The following XRCC2 variants were observed in gnomAD, a reference collection of about 807,000 sequenced individuals.
XRCC2 encodes the protein X-ray repair cross complementing 2.
In XRCC2, 24 loss-of-function variants were observed where a neutral mutation model predicts 27.3. That is an observed-to-expected ratio of 0.88 (90% CI 0.64 to 1.24). XRCC2 has a LOEUF of 1.24. XRCC2 is among the 50% of genes most tolerant of loss of function. XRCC2 has a pLI of 0.00. For missense variants in XRCC2, 321 were observed against 325.8 expected (o/e 0.99, Z 0.11); for synonymous variants, 106 against 115.4 (o/e 0.92, Z 0.52).
Position 152,649,373 on chromosome 7 carries a change from A to G in XRCC2, c.122-10T>C, listed in dbSNP as rs774443866. ...AATTCAAGAATATCACCTGTGTAAA[A>G]TTTAAAAATCTCAGTCAAAATGCAG... On this transcript the variant is annotated splice_polypyrimidine_tract_variant and intron_variant, in intron 2 of 2. Transcript: ENST00000359321. 1 of 1,545,850 alleles carries G rather than the reference A, an allele frequency of 6.5e-7. No individual in the cohort carries two copies.
At chr7:152,671,193 C>T (rs3094408) in intron 1 of XRCC2, among the ~76,000 whole-genome samples, 129,531 of 152,038 alleles carry the variant, frequency 0.85, 55,601 homozygotes, top group Non-Finnish European at 0.91. Context: ...CCAGCCTGGG[C>T]GACAGAGTAA....
rs2098025482 is a variant in XRCC2 at position 152,645,700 on chromosome 7, C to A, written c.*2942G>T. On this transcript the variant is annotated 3_prime_UTR_variant, in exon 3 of 3. Transcript: ENST00000359321. The stretch of plus-strand genomic sequence containing the variant: ...GTTCTTGATTTTAAAAGAGACACTT[C>A]TAATATTTCACTATTAACTAATGTT... The A allele has an allele frequency of 6.6e-6, 1 of 152,120 alleles. No homozygotes were observed. The highest frequency in any genetic ancestry group is 2.4e-5 in the African/African-American group (1 of 41,434). The allele number at this position is 152,120 out of a possible 1,614,324, so 9.4% of individuals were successfully genotyped here.
At position 152,656,004 on chromosome 7, in the gene XRCC2, A is replaced by G. The variant is rs575074752; in HGVS notation, c.121+4697T>C. Among the ~76,000 whole-genome samples the G allele has an allele frequency of 3.9e-5, 6 of 152,192 alleles. No individual in the cohort carries two copies. In the South Asian group the frequency reaches 1.2e-3, roughly 32 times the overall value. ...AACAAAACAAAACAAAAATAAAAAT[A>G]AATGTTTGGATGAGAACACATGGAC... On this transcript the variant is annotated intron_variant, in intron 2 of 2. Transcript: ENST00000359321.
At chr7:152,665,973 A>T (rs2098035449) in intron 1 of XRCC2, among the ~76,000 whole-genome samples, 1 of 152,160 alleles carries the variant, frequency 6.6e-6, no homozygotes, top group Non-Finnish European at 1.5e-5. Flanking sequence ...CAACCAACAT[A>T]TGATAACAGA....
At chr7:152,659,873 C>T (rs2098032302) in intron 2 of XRCC2, among the ~76,000 whole-genome samples, 1 of 152,120 alleles carries the variant, frequency 6.6e-6, no homozygotes, top group Non-Finnish European at 1.5e-5. Flanking sequence ...TGCACAACAG[C>T]CAGCAAATGG....
At position 152,648,935 on chromosome 7, in the gene XRCC2, C is replaced by T. The variant is rs2098027293; in HGVS notation, c.550G>A (p.Val184Ile). The change falls in exon 3 of 3, where the codon GTA (valine) becomes ATA (isoleucine). Residue 184 changes from valine to isoleucine, a missense_variant. Val to Ile is a conservative substitution (Grantham distance 29, BLOSUM62 3). Coordinates refer to ENST00000359321, the MANE Select transcript of XRCC2 (RefSeq NM_005431.2). ...RKCSQCLEKL[V>I]NDYRLVLFAT... ...AAAAGAACCAGGCGATAGTCATTTA[C>T]AAGCTTCTCTAAGCACTGAGAACAT... is the stretch of plus-strand genomic sequence containing the variant. 1 of 1,614,170 alleles carries T rather than the reference C, an allele frequency of 6.2e-7. No homozygotes were observed. The highest frequency in any genetic ancestry group is 1.1e-5 in the South Asian group (1 of 91,080).
chr7:152,653,269 G>C (rs566454873), intron 2 of XRCC2, among the ~76,000 whole-genome samples: 2 of 152,120 alleles, frequency 1.3e-5, no homozygotes, highest in Admixed American at 6.6e-5. Context: ...CTTCTGCAAT[G>C]ATTGTGAGGC....
intron 2 of XRCC2, among the ~76,000 whole-genome samples, chr7:152,656,412 A>G (rs2098030727): frequency 6.6e-6 from 1 of 152,142 alleles, no homozygotes; most frequent in Non-Finnish European, 1.5e-5. Context: ...AAAAGTTTAC[A>G]ATGGCATTGA....
rs1205745067 is a variant in XRCC2 at position 152,647,183 on chromosome 7, T to C, written c.*1459A>G. 6.6e-6 allele frequency: 1 copy of C among 152,216 alleles called. No homozygotes were observed. The highest frequency in any genetic ancestry group is 1.9e-4 in the East Asian group (1 of 5,196). The allele number at this position is 152,216 out of a possible 1,614,324, so 9.4% of individuals were successfully genotyped here. A position where few individuals can be genotyped will look rare whatever the true frequency, so the allele number is the denominator to read the frequency against. On this transcript the variant is annotated 3_prime_UTR_variant, in exon 3 of 3. Transcript: ENST00000359321. ...TGATGCTGGGCTTTTTTCCATAGGA[T>C]TGTTGGCCACAGATGTCTTCTTTTG...
chr7:152,652,720 AC>A (rs1298442310), intron 2 of XRCC2, among the ~76,000 whole-genome samples: 2 of 152,180 alleles, frequency 1.3e-5, no homozygotes, highest in Non-Finnish European at 2.9e-5. Context: ...TTCATCAGTT[AC>A]CTTCTTCTCA....
intron 1 of XRCC2, among the ~76,000 whole-genome samples, chr7:152,671,307 T>C (rs1031667607): frequency 2.0e-5 from 3 of 152,188 alleles, no homozygotes; most frequent in Non-Finnish European, 4.4e-5. Context: ...TTCACCTAGA[T>C]CCACCATTGC....
chr7:152,650,320 T>G (rs2098028021), intron 2 of XRCC2, among the ~76,000 whole-genome samples: 1 of 152,246 alleles, frequency 6.6e-6, no homozygotes, highest in African/African-American at 2.4e-5. Context: ...CATGTCCAGC[T>G]GCATTAGAAA....
chr7:152,653,556 C>T (rs2098029428), intron 2 of XRCC2, among the ~76,000 whole-genome samples: 1 of 152,056 alleles, frequency 6.6e-6, no homozygotes. Flanking sequence ...GCCTCCCAGG[C>T]TCAAGCCATC....
chr7:152,675,898 C>T (rs1590140804), intron 1 of XRCC2, 143 bp downstream of exon 1: 1 of 1,073,400 alleles, frequency 9.3e-7, no homozygotes, highest in South Asian at 1.4e-5. Flanking sequence ...GCCAGCATCG[C>T]GGGCGTCTAG....
intron 2 of XRCC2, among the ~76,000 whole-genome samples, chr7:152,655,790 C>T (rs1439399153): frequency 6.6e-6 from 1 of 151,972 alleles, no homozygotes; most frequent in Non-Finnish European, 1.5e-5. Flanking sequence ...ACAGGTGGAT[C>T]ACTTGAGGTC....
At chr7:152,670,460 AGG>A (rs1215341001) in intron 1 of XRCC2, among the ~76,000 whole-genome samples, 9 of 152,216 alleles carry the variant, frequency 5.9e-5, no homozygotes, top group African/African-American at 2.2e-4. Context: ...TTAGAAGTTC[AGG>A]TTTGGATAAT....
At chr7:152,656,124 G>A (rs1233703023) in intron 2 of XRCC2, among the ~76,000 whole-genome samples, 1 of 152,210 alleles carries the variant, frequency 6.6e-6, no homozygotes, top group Non-Finnish European at 1.5e-5. Flanking sequence ...CCTAGGTGAT[G>A]GGTTGATAGG....
intron 1 of XRCC2, among the ~76,000 whole-genome samples, chr7:152,661,306 G>A (rs1268611328): frequency 6.6e-6 from 1 of 152,198 alleles, no homozygotes; most frequent in Non-Finnish European, 1.5e-5. Context: ...GGATAGTCTA[G>A]TTTAGGATAT....
chr7:152,671,588 T>C (rs1031677706), intron 1 of XRCC2, among the ~76,000 whole-genome samples: 10 of 152,310 alleles, frequency 6.6e-5, no homozygotes, highest in African/African-American at 2.4e-4. Flanking sequence ...AGGATAAATA[T>C]GTTAAATCTG....
Sources: allele counts gnomAD v4.1 joint callset (sites outside exome capture counted in the v4.1 genomes callset), GRCh38; gene constraint gnomAD v4.1.1; transcripts MANE v1.5; gene names NCBI Gene and HGNC (gene_info 2026-07-23, HGNC 2026-07-21).